WDR48: variants seen among roughly 807,000 people sequenced by gnomAD.
The protein encoded by WDR48 is WD repeat-containing protein 48.
A neutral mutation model predicts 94.0 loss-of-function variants in WDR48; 22 were observed. That is an observed-to-expected ratio of 0.23 (90% CI 0.17 to 0.33). WDR48 has a LOEUF of 0.33. WDR48 is among the 10% of genes least tolerant of loss of function. The pLI is 1.00. For missense variants in WDR48, 541 were observed against 813.8 expected, an observed-to-expected ratio of 0.66 and a Z score of 4.08; for synonymous variants, 278 against 280.5, an observed-to-expected ratio of 0.99 and a Z score of 0.09.
rs903356853 is a variant in WDR48 at position 39,088,242 on chromosome 3, A to G, written c.1580+9A>G. 1.9e-6 allele frequency: 3 copies of G among 1,613,352 alleles called. No homozygotes were observed. The highest frequency in any genetic ancestry group is 1.1e-5 in the South Asian group (1 of 90,972). On this transcript the variant is annotated intron_variant, in intron 15 of 18. Transcript: ENST00000302313. The stretch of plus-strand genomic sequence containing the variant: ...GGTCGCACACTGTTCAGGTATGGGT[A>G]AGAAAGACAAGAGGTTCTGCCTGAG...
chr3:39,077,289 A>G (rs1389355818), intron 9 of WDR48, 76 bp downstream of exon 9: 3 of 1,534,962 alleles, frequency 2.0e-6, no homozygotes, highest in Non-Finnish European at 1.8e-6. Flanking sequence ...GCCAGTTGCA[A>G]ATGCTCAGTG....
chr3:39,052,818 T>TA (rs1328262050), intron 1 of WDR48, among the ~76,000 whole-genome samples: 1 of 152,176 alleles, frequency 6.6e-6, no homozygotes, highest in Non-Finnish European at 1.5e-5. Flanking sequence ...TGTTTGCGGT[T>TA]ACGCTTAAGA....
chr3:39,069,668 CAT>C lies in WDR48; in HGVS notation c.597_598del (p.Ala201LysfsTer6). ...GTGTTACGGGTATGGGATCCAAGAA[CAT>C]GTGCAAAACTAATGAAGCTTAAAGG... On this transcript the variant is annotated frameshift_variant, in exon 7 of 19. Coordinates refer to ENST00000302313, the MANE Select transcript of WDR48 (RefSeq NM_020839.4). LOFTEE classifies it high-confidence loss of function. 1 of 1,613,464 alleles carries C rather than the reference CAT, an allele frequency of 6.2e-7. No individual in the cohort carries two copies. The highest frequency in any genetic ancestry group is 8.5e-7 in the Non-Finnish European group (1 of 1,179,584).
intron 14 of WDR48, among the ~76,000 whole-genome samples, chr3:39,087,152 G>A (rs1487415715): frequency 6.6e-6 from 1 of 152,146 alleles, no homozygotes; most frequent in African/African-American, 2.4e-5. Flanking sequence ...GATTTCAGGG[G>A]GTCAGATGCT....
intron 6 of WDR48, 56 bp downstream of exon 6, chr3:39,068,915 G>A: frequency 3.9e-6 from 5 of 1,287,708 alleles, no homozygotes; most frequent in African/African-American, 1.5e-5. Context: ...CACATACCTT[G>A]TCTCCTATTT....
chr3:39,052,036 A>G lies in WDR48; in HGVS notation c.11A>G (p.His4Arg), dbSNP rs2032422135. The change falls in exon 1 of 19, where the codon CAT becomes CGT. Residue 4 changes from histidine to arginine, a missense_variant. This residue lies in a region of WDR48 where 90 missense variants were observed against 122.3 expected (regional missense o/e 0.74). Coordinates refer to ENST00000302313, the MANE Select transcript of WDR48 (RefSeq NM_020839.4). ...GTGTCAACATGCAAGATGGCGGCCCATCACCGGCAGAACACAGCAGGGCGG... is the reference window on the plus strand; with the variant it reads ...GTGTCAACATGCAAGATGGCGGCCCGTCACCGGCAGAACACAGCAGGGCGG... MAAHHRQNTAGRRK... is the reference protein window; with the variant it reads MAARHRQNTAGRRK... 1 of 1,613,934 alleles carries G rather than the reference A, an allele frequency of 6.2e-7. No individual in the cohort carries two copies. Among genetic ancestry groups the G allele is most frequent in the East Asian group, 2.2e-5 (1 of 44,862 alleles).
intron 13 of WDR48, among the ~76,000 whole-genome samples, chr3:39,085,294 A>G (rs947173463): frequency 3.3e-5 from 5 of 152,238 alleles, no homozygotes; most frequent in Non-Finnish European, 7.3e-5. Context: ...AACCAAGTAG[A>G]ATATGTCTTT....
chr3:39,089,390 A>G lies in WDR48; in HGVS notation c.1668+72A>G, dbSNP rs2034972346. On this transcript the variant is annotated intron_variant, in intron 16 of 18. Transcript: ENST00000302313. Reference sequence around the variant, plus strand: ...CATGAAATTAAGAACTGCTTTAGACATTATAATTTTAAACCTTAATAAAAG... The same window carrying G: ...CATGAAATTAAGAACTGCTTTAGACGTTATAATTTTAAACCTTAATAAAAG... 5.0e-6 allele frequency: 7 copies of G among 1,406,134 alleles called. No individual in the cohort carries two copies. The South Asian group carries it at 5.4e-5, about 11-fold the overall frequency. 87.1% of individuals were successfully genotyped at this position (1,406,134 alleles called of 1,614,324 possible). A position where few individuals can be genotyped will look rare whatever the true frequency, so the allele number is the denominator to read the frequency against.
chr3:39,063,950 CAAAT>C (rs1452086874), intron 2 of WDR48, among the ~76,000 whole-genome samples: 7 of 152,034 alleles, frequency 4.6e-5, no homozygotes, highest in Non-Finnish European at 7.4e-5. Context: ...GACCTTGTCT[CAAAT>C]AAATAAATAA....
chr3:39,076,463 G>A (rs1202138456), intron 8 of WDR48, among the ~76,000 whole-genome samples: 5 of 152,148 alleles, frequency 3.3e-5, no homozygotes, highest in African/African-American at 4.8e-5. Context: ...AAAGAACTTG[G>A]CACAAACATA....
chr3:39,076,791 C>G (rs933549124), intron 8 of WDR48, among the ~76,000 whole-genome samples: 20 of 152,108 alleles, frequency 1.3e-4, no homozygotes, highest in Non-Finnish European at 2.2e-4. Flanking sequence ...AATTTATTTC[C>G]TTGTTACTAT....
intron 18 of WDR48, 67 bp from the exon 19 acceptor site, chr3:39,094,579 CCT>C: frequency 6.3e-7 from 1 of 1,592,680 alleles, no homozygotes. Context: ...GATGAGAGTC[CCT>C]GAGTTAATGA....
rs2033392948 is a variant in WDR48, at chr3:39,063,332, G to C, written c.189+142G>C. 7.3e-6 allele frequency: 8 copies of C among 1,097,542 alleles called. No individual in the cohort carries two copies. In the East Asian group the frequency reaches 2.2e-4, roughly 30 times the overall value. The allele number at this position is 1,097,542 out of a possible 1,614,324, so 68.0% of individuals were successfully genotyped here. On this transcript the variant is annotated intron_variant, in intron 2 of 18. Coordinates refer to ENST00000302313, the MANE Select transcript of WDR48 (RefSeq NM_020839.4). ...ACACTCTATAAAGACATCGCAACCAGAATTCTGTAAGCCTCTGAGAAAAAC... is the reference window on the plus strand; with the variant it reads ...ACACTCTATAAAGACATCGCAACCACAATTCTGTAAGCCTCTGAGAAAAAC...
In WDR48 at chr3:39,084,140, T is replaced by C; in HGVS notation, c.1174-15T>C. 1 of 1,591,712 alleles carries C rather than the reference T, an allele frequency of 6.3e-7. No homozygotes were observed. The highest frequency in any genetic ancestry group is 8.6e-7 in the Non-Finnish European group (1 of 1,163,884). On this transcript the variant is annotated splice_polypyrimidine_tract_variant and intron_variant, in intron 11 of 18. Coordinates refer to ENST00000302313, the MANE Select transcript of WDR48 (RefSeq NM_020839.4). The stretch of plus-strand genomic sequence containing the variant: ...CCACTTAATATTGATCATTATACTT[T>C]CTTTTGATGTATAGGCATGTAAAGT...
At chr3:39,081,236 G>T (rs955337754) in intron 11 of WDR48, among the ~76,000 whole-genome samples, 1 of 152,208 alleles carries the variant, frequency 6.6e-6, no homozygotes, top group Non-Finnish European at 1.5e-5. Flanking sequence ...TTAAGCTCCT[G>T]GTTATAAAGA....
chr3:39,086,288 G>A (rs893222516), intron 14 of WDR48: 2 of 152,272 alleles, frequency 1.3e-5, no homozygotes, highest in African/African-American at 4.8e-5. Context: ...ACATCCTCAT[G>A]TGTAACCTAC....
intron 16 of WDR48, chr3:39,090,489 T>C (rs1356800060): frequency 6.6e-6 from 1 of 152,248 alleles, no homozygotes; most frequent in Non-Finnish European, 1.5e-5. Flanking sequence ...AGGTATTTCC[T>C]ACTCCAAAGT....
intron 13 of WDR48, 152 bp from the exon 14 acceptor site, chr3:39,085,363 A>AT: frequency 1.5e-6 from 1 of 656,780 alleles, no homozygotes; most frequent in South Asian, 1.8e-5. Flanking sequence ...AATTGGCAAA[A>AT]TGACTAAAGT....
At chr3:39,065,744 A>G (rs779270847) in intron 2 of WDR48, 67 bp from the exon 3 acceptor site, 17 of 1,213,414 alleles carry the variant, frequency 1.4e-5, no homozygotes, top group African/African-American at 1.2e-4. Flanking sequence ...GAATTTAACC[A>G]TATCTATCAT....
Sources: allele counts gnomAD v4.1 joint callset (sites outside exome capture counted in the v4.1 genomes callset), GRCh38; gene constraint gnomAD v4.1.1; regional missense constraint gnomAD v4.1.1; transcripts MANE v1.5; gene names NCBI Gene and HGNC (gene_info 2026-07-23, HGNC 2026-07-21).